ARB2A: variants seen among roughly 807,000 people sequenced by gnomAD.
The protein encoded by ARB2A is cotranscriptional regulator ARB2A.
At chr5:93,648,131 G>C in the ARB2A span, among the ~76,000 whole-genome samples, 1 of 143,370 alleles carries the variant, frequency 7.0e-6, no homozygotes, top group African/African-American at 2.6e-5. Context: ...AGGTGACAGA[G>C]TGAGAACCTG....
the ARB2A span, among the ~76,000 whole-genome samples, chr5:93,627,452 T>G: frequency 2.0e-5 from 3 of 149,902 alleles, no homozygotes; most frequent in Non-Finnish European, 4.4e-5. Context: ...TGTTTTTTTT[T>G]TTTTTTTTTG....
the ARB2A span, among the ~76,000 whole-genome samples, chr5:93,685,200 G>A: frequency 8.5e-5 from 13 of 152,092 alleles, no homozygotes; most frequent in Non-Finnish European, 1.2e-4. Flanking sequence ...TTTATTTTGA[G>A]CTTCACTCTG....
the ARB2A span, among the ~76,000 whole-genome samples, chr5:94,089,594 TAC>T: frequency 0.14 from 18,594 of 135,360 alleles, 1,230 homozygotes; most frequent in Admixed American, 0.15. Flanking sequence ...AAACCGTTTA[TAC>T]ACACACACAC....
the ARB2A span, among the ~76,000 whole-genome samples, chr5:94,102,562 AAG>A: frequency 1.3e-5 from 2 of 152,152 alleles, no homozygotes; most frequent in Admixed American, 6.5e-5. Context: ...GCATCCCTGA[AAG>A]AGAGAGACAT....
the ARB2A span, among the ~76,000 whole-genome samples, chr5:93,945,055 T>C: frequency 3.3e-5 from 5 of 152,120 alleles, no homozygotes; most frequent in Non-Finnish European, 2.9e-5. Flanking sequence ...TACCCCACTC[T>C]CTAAAAAACA....
At chr5:94,020,242 CGG>C in the ARB2A span, among the ~76,000 whole-genome samples, 1 of 28,598 alleles carries the variant, frequency 3.5e-5, no homozygotes, top group African/African-American at 1.4e-4. Flanking sequence ...GGACACGGGG[CGG>C]GGGGGGTAAC....
At chr5:94,078,689 G>A in the ARB2A span, among the ~76,000 whole-genome samples, 31 of 151,994 alleles carry the variant, frequency 2.0e-4, no homozygotes, top group Non-Finnish European at 2.1e-4. Flanking sequence ...AGGAATACCA[G>A]GTTCCAATCC....
At chr5:93,701,643 C>A in the ARB2A span, among the ~76,000 whole-genome samples, 6 of 151,954 alleles carry the variant, frequency 3.9e-5, no homozygotes, top group South Asian at 2.1e-4. Context: ...TAGGTGCGAT[C>A]CACTAGCCAA....
At chr5:93,683,405 C>G in the ARB2A span, 1 of 1,602,658 alleles carries the variant, frequency 6.2e-7, no homozygotes. Flanking sequence ...TGGCCCTGAA[C>G]CACACTTCAA....
chr5:94,049,604 C>A, the ARB2A span, among the ~76,000 whole-genome samples: 6 of 150,330 alleles, frequency 4.0e-5, no homozygotes, highest in Admixed American at 2.6e-4. Context: ...TAGGTGAAAC[C>A]CCATCTCTAC....
the ARB2A span, chr5:93,620,950 T>TG: frequency 1.9e-6 from 3 of 1,596,682 alleles, no homozygotes; most frequent in Non-Finnish European, 2.6e-6. Flanking sequence ...TGCGGGTGGG[T>TG]GCGCCAGGGC....
the ARB2A span, among the ~76,000 whole-genome samples, chr5:93,759,036 A>T: frequency 6.6e-6 from 1 of 152,284 alleles, no homozygotes. Context: ...AAAAATCCAA[A>T]TAACCTCACT....
the ARB2A span, chr5:93,739,717 T>C: frequency 6.6e-6 from 1 of 152,106 alleles, no homozygotes; most frequent in Admixed American, 6.5e-5. Context: ...CCAGGGAAGT[T>C]TGGATAAACT....
At chr5:94,097,081 A>G in the ARB2A span, among the ~76,000 whole-genome samples, 1 of 152,152 alleles carries the variant, frequency 6.6e-6, no homozygotes, top group African/African-American at 2.4e-5. Context: ...AAACGGCTAC[A>G]GTGGAGCACA....
At chr5:93,810,195 G>GTTT in the ARB2A span, among the ~76,000 whole-genome samples, 9 of 136,832 alleles carry the variant, frequency 6.6e-5, no homozygotes, top group South Asian at 2.3e-4. Context: ...TGTAGGTTTC[G>GTTT]TTTTTTTTTT....
chr5:93,898,690 A>G, the ARB2A span, among the ~76,000 whole-genome samples: 1 of 152,130 alleles, frequency 6.6e-6, no homozygotes, highest in Middle Eastern at 3.2e-3. Flanking sequence ...AATTTTAACA[A>G]CATACATACA....
chr5:93,731,604 C>T, the ARB2A span, among the ~76,000 whole-genome samples: 1 of 152,186 alleles, frequency 6.6e-6, no homozygotes, highest in Non-Finnish European at 1.5e-5. Flanking sequence ...AGATTTTCCA[C>T]TACTCAATCA....
the ARB2A span, among the ~76,000 whole-genome samples, chr5:94,047,437 A>G: frequency 5.4e-3 from 811 of 149,848 alleles, 6 homozygotes; most frequent in African/African-American, 0.019. Flanking sequence ...GGTTGCAGTG[A>G]GCCGAGGGTG....
the ARB2A span, among the ~76,000 whole-genome samples, chr5:93,853,598 CA>C: frequency 3.3e-5 from 5 of 152,112 alleles, no homozygotes; most frequent in Non-Finnish European, 7.3e-5. Context: ...GTGGGTTTGT[CA>C]TAGATAGCTC....
Sources: gnomAD v4.1 joint callset for allele counts (sites outside exome capture counted in the v4.1 genomes callset) on GRCh38, gnomAD v4.1.1 for gene constraint, MANE v1.5 for transcripts, NCBI Gene and HGNC (gene_info 2026-07-23, HGNC 2026-07-21) for gene names.